JKAMP: variants seen among roughly 807,000 people sequenced by gnomAD.
JKAMP encodes JNK1/MAPK8-associated membrane protein.
In JKAMP, 20 loss-of-function variants were observed where a neutral mutation model predicts 40.2. The ratio of observed to expected loss-of-function variants is 0.50; its 90% CI spans 0.35 to 0.72. The LOEUF (loss-of-function observed/expected upper bound fraction) is 0.72. Ranked by LOEUF, JKAMP falls within the 30% of genes least tolerant of loss-of-function variation. JKAMP has a pLI of 0.01. For synonymous variants in JKAMP, 138 were observed against 131.6 expected (o/e 1.05, Z -0.33); for missense variants, 276 against 373.0 (o/e 0.74, Z 2.14).
chr14:59,487,770 G>T lies in JKAMP; in HGVS notation c.193G>T (p.Ala65Ser), dbSNP rs1890689972. The T allele has an allele frequency of 6.2e-7, 1 of 1,613,460 alleles. No individual in the cohort carries two copies. The highest frequency in any genetic ancestry group is 1.1e-5 in the South Asian group (1 of 91,076). Residue 65 changes from alanine (A) to serine (S), a missense_variant, in exon 3 of 7, where the codon GCA becomes TCA. Coordinates refer to ENST00000616435, the MANE Select transcript of JKAMP (RefSeq NM_016475.5). ...TGATTGGCTCTATCTTGGATTTATG[G>T]CAATGCTTCCTCTGGTTTTACATTG... ...LYDWLYLGFM[A>S]MLPLVLHWFF...
chr14:59,484,821 CTT>C, intron 1 of JKAMP: 1 of 967,450 alleles, frequency 1.0e-6, no homozygotes, highest in Non-Finnish European at 1.5e-6. Context: ...AATGCCAGGT[CTT>C]TGTTGTTTGG....
chr14:59,501,593 C>T (rs975928039), intron 6 of JKAMP, among the ~76,000 whole-genome samples: 5 of 152,088 alleles, frequency 3.3e-5, no homozygotes, highest in Non-Finnish European at 5.9e-5. Flanking sequence ...TTGAGAAAAA[C>T]CATAAAAATG....
rs748821518 is a variant in JKAMP, at chr14:59,498,515, T to C, written c.459-212T>C. On this transcript the variant is annotated intron_variant, in intron 4 of 6. Transcript: ENST00000616435. Reference sequence around the variant, plus strand: ...AAACAGTTTTAGGATTTTTGGTACATATTTCCAGACTGCCTAAGAAAGCAA... The same window carrying C: ...AAACAGTTTTAGGATTTTTGGTACACATTTCCAGACTGCCTAAGAAAGCAA... 2.6e-4 allele frequency among the ~76,000 whole-genome samples: 39 copies of C among 152,316 alleles called. No individual in the cohort carries two copies. The Middle Eastern group carries it at 0.014, about 53-fold the overall frequency.
chr14:59,485,244 C>T, intron 1 of JKAMP: 1 of 932,078 alleles, frequency 1.1e-6, no homozygotes, highest in East Asian at 2.7e-5. Flanking sequence ...AAAGCCCATA[C>T]AGAAGTTTCC....
Position 59,504,132 on chromosome 14 carries a change from T to C in JKAMP, c.*60T>C. ...TGCTCCTAATAAAAAAGTAAATCAA[T>C]CTTAACAGTGTATGAGAACTATTCT... On this transcript the variant is annotated 3_prime_UTR_variant, in exon 7 of 7. Coordinates refer to ENST00000616435, the MANE Select transcript of JKAMP (RefSeq NM_016475.5). The C allele has an allele frequency of 3.1e-6, 3 of 969,424 alleles. No individual in the cohort carries two copies. The South Asian group carries it at 4.1e-5, about 13-fold the overall frequency. 60.1% of individuals were successfully genotyped at this position (969,424 alleles called of 1,614,324 possible).
chr14:59,492,442 A>C (rs10483716), intron 3 of JKAMP, among the ~76,000 whole-genome samples: 6,010 of 152,310 alleles, frequency 0.039, 138 homozygotes, highest in Middle Eastern at 0.078. Context: ...CACAGAAGCC[A>C]GTCTCTCTTA....
intron 6 of JKAMP, among the ~76,000 whole-genome samples, chr14:59,501,603 G>A (rs958944165): frequency 6.6e-6 from 1 of 152,042 alleles, no homozygotes; most frequent in South Asian, 2.1e-4. Flanking sequence ...CCATAAAAAT[G>A]TTTTATATTT....
rs567986774 is a variant in JKAMP at position 59,493,548 on chromosome 14, C to A, written c.252-1470C>A. Reference sequence around the variant, plus strand: ...AATGATACATAATGGAAACAGTGTTCAAGTAGAAAACTCAAAATCACCTAT... The same window carrying A: ...AATGATACATAATGGAAACAGTGTTAAAGTAGAAAACTCAAAATCACCTAT... On this transcript the variant is annotated intron_variant, in intron 3 of 6. Coordinates refer to ENST00000616435, the MANE Select transcript of JKAMP (RefSeq NM_016475.5). Among the ~76,000 whole-genome samples, 5 of 152,224 alleles carry A rather than the reference C, an allele frequency of 3.3e-5. 1 individual carries two copies. Among genetic ancestry groups the A allele is most frequent in the African/African-American group, 9.6e-5 (4 of 41,546 alleles).
intron 6 of JKAMP, 30 bp downstream of exon 6, chr14:59,501,297 A>T: frequency 7.3e-7 from 1 of 1,369,592 alleles, no homozygotes; most frequent in Non-Finnish European, 1.0e-6. Flanking sequence ...TTTGTTAAAG[A>T]CTTTTTGATA....
At chr14:59,502,765 T>TTGTTTTG (rs1892022954) in intron 6 of JKAMP, among the ~76,000 whole-genome samples, 1 of 134,652 alleles carries the variant, frequency 7.4e-6, no homozygotes, top group African/African-American at 2.8e-5. Context: ...TTTTTTTTTT[T>TTGTTTTG]TTTTTTTTCG....
At position 59,498,796 on chromosome 14, in the gene JKAMP, G is replaced by A; in HGVS notation, c.528G>A (p.Val176=). ...VLMMLLRPLL[V]KKIACGLGKS... is the part of the protein sequence containing the mutation. The stretch of plus-strand genomic sequence containing the variant: ...TGATGCTGCTCCGACCTCTTCTGGT[G>A]AAGAAGATTGCATGTGGGTTAGGGA... The change falls in exon 5 of 7, where the codon GTG becomes GTA. Residue 176 remains valine (V), a synonymous_variant. Coordinates refer to ENST00000616435, the MANE Select transcript of JKAMP (RefSeq NM_016475.5). 6.2e-7 allele frequency: 1 copy of A among 1,606,076 alleles called. No homozygotes were observed. The highest frequency in any genetic ancestry group is 8.5e-7 in the Non-Finnish European group (1 of 1,173,152).
At chr14:59,484,620 G>A in intron 1 of JKAMP, 27 bp downstream of exon 1, 1 of 1,577,026 alleles carries the variant, frequency 6.3e-7, no homozygotes. Flanking sequence ...ATCCCGGGAA[G>A]CGTTTCTGGT....
intron 4 of JKAMP, 59 bp downstream of exon 4, chr14:59,495,283 T>G (rs1891363184): frequency 7.5e-7 from 1 of 1,337,748 alleles, no homozygotes; most frequent in Admixed American, 1.8e-5. Context: ...AGGATTATTA[T>G]AGATTTTATG....
At chr14:59,493,231 T>G (rs1024878851) in intron 3 of JKAMP, among the ~76,000 whole-genome samples, 1 of 152,192 alleles carries the variant, frequency 6.6e-6, no homozygotes, top group Admixed American at 6.5e-5. Context: ...TGCATCATAA[T>G]TAAACTGCAG....
chr14:59,487,577 T>C, intron 2 of JKAMP, 97 bp from the exon 3 acceptor site: 1 of 902,992 alleles, frequency 1.1e-6, no homozygotes, highest in East Asian at 2.4e-5. Context: ...AACTTAAATA[T>C]TTAAACTGAA....
intron 4 of JKAMP, among the ~76,000 whole-genome samples, chr14:59,496,997 T>C (rs1302506456): frequency 1.0e-5 from 1 of 100,188 alleles, no homozygotes. Context: ...GTCATAGTAA[T>C]TTTTTTTTTT....
Position 59,504,177 on chromosome 14 carries a change from T to C in JKAMP, c.*105T>C, listed in dbSNP as rs762440620. The C allele has an allele frequency of 1.2e-5, 8 of 685,224 alleles. No individual in the cohort carries two copies. Among genetic ancestry groups the C allele is most frequent in the South Asian group, 9.2e-5 (5 of 54,148 alleles). 42.4% of individuals were successfully genotyped at this position (685,224 alleles called of 1,614,324 possible). On this transcript the variant is annotated 3_prime_UTR_variant, in exon 7 of 7. Transcript: ENST00000616435. The stretch of plus-strand genomic sequence containing the variant: ...TATTCTATCATATATGGGAACAAGA[T>C]TGTCAGTATATCTTAATGTTTGGGT...
At chr14:59,492,741 C>T (rs1312781578) in intron 3 of JKAMP, among the ~76,000 whole-genome samples, 1 of 151,826 alleles carries the variant, frequency 6.6e-6, no homozygotes, top group Non-Finnish European at 1.5e-5. Context: ...TAAGTCTTTG[C>T]CCAAAGTATC....
chr14:59,487,509 T>C (rs561514779), intron 2 of JKAMP, 165 bp from the exon 3 acceptor site: 137 of 550,478 alleles, frequency 2.5e-4, no homozygotes, highest in Non-Finnish European at 3.9e-4. Flanking sequence ...ACATACAATA[T>C]AGATTTCTTT....
Sources: gnomAD v4.1 joint callset for allele counts (sites outside exome capture counted in the v4.1 genomes callset) on GRCh38, gnomAD v4.1.1 for gene constraint, MANE v1.5 for transcripts, NCBI Gene and HGNC (gene_info 2026-07-23, HGNC 2026-07-21) for gene names.